Variants in NR2F6 observed in about 807,000 individuals in gnomAD.
NR2F6 encodes nuclear receptor subfamily 2 group F member 6.
In NR2F6, 16 loss-of-function variants were observed where a neutral mutation model predicts 26.5. That is an observed-to-expected ratio of 0.60 (90% CI 0.41 to 0.92). The LOEUF (loss-of-function observed/expected upper bound fraction) is 0.92. NR2F6 is among the 40% of genes least tolerant of loss of function. The probability of loss-of-function intolerance (pLI) is 0.00; values close to 1 mark genes in which losing one functional copy is unlikely to be tolerated. For missense variants in NR2F6, 536 were observed against 631.7 expected (o/e 0.85, Z 1.62); for synonymous variants, 325 against 305.0 (o/e 1.07, Z -0.68).
At chr19:17,244,744 A>G (rs1349679867) in intron 1 of NR2F6, among the ~76,000 whole-genome samples, 199 bp downstream of exon 1, 2 of 151,812 alleles carry the variant, frequency 1.3e-5, no homozygotes, top group African/African-American at 2.4e-5. Flanking sequence ...ATGGGGGGGG[A>G]ACCTGCAACG....
intron 1 of NR2F6, among the ~76,000 whole-genome samples, chr19:17,242,015 CA>C (rs1252341398): frequency 7.8e-6 from 1 of 127,928 alleles, no homozygotes. Context: ...GACTCTGTCT[CA>C]AAAAAAAAGA....
intron 2 of NR2F6, among the ~76,000 whole-genome samples, chr19:17,239,093 C>G (rs1024229663): frequency 3.3e-5 from 5 of 152,144 alleles, no homozygotes; most frequent in African/African-American, 7.2e-5. Context: ...AATCCCAACA[C>G]TTTGGGAGGC....
intron 2 of NR2F6, 36 bp from the exon 3 acceptor site, chr19:17,236,101 G>A: frequency 1.8e-6 from 1 of 560,330 alleles, no homozygotes; most frequent in Non-Finnish European, 2.4e-6. Context: ...CATGGGGGCG[G>A]GAGGGGAGGC....
chr19:17,237,920 G>A (rs758035113), intron 2 of NR2F6, among the ~76,000 whole-genome samples: 11 of 152,052 alleles, frequency 7.2e-5, no homozygotes, highest in Non-Finnish European at 1.3e-4. Flanking sequence ...CAGGAAGATC[G>A]CTTGAGCCCA....
Position 17,235,664 on chromosome 19 carries a change from G to A in NR2F6, c.775C>T (p.Leu259=), listed in dbSNP as rs1239993220. The change falls in exon 3 of 4, where the codon CTA becomes TTA. Residue 259 remains leucine (L), a synonymous_variant. Transcript: ENST00000291442. This position sits in a 1 kb window ranked among gnomAD's most constrained non-coding sequence, Gnocchi z 5.0. ...GCGTGGAGGCCGGCGGCGGCCAGTA[G>A]CGGCGCCGTGTGCAGGGGCAGCGCC... is the stretch of plus-strand genomic sequence containing the variant. ...QAALPLHTAP[L]LAAAGLHAAP... is the part of the protein sequence containing the mutation. The A allele has an allele frequency of 6.6e-7, 1 of 1,518,764 alleles. No homozygotes were observed. Among genetic ancestry groups the A allele is most frequent in the Admixed American group, 2.0e-5 (1 of 48,876 alleles). 94.1% of individuals were successfully genotyped at this position (1,518,764 alleles called of 1,614,324 possible).
chr19:17,245,373 C>A lies in NR2F6; in HGVS notation c.-153G>T. On this transcript the variant is annotated 5_prime_UTR_variant, in exon 1 of 4. Transcript: ENST00000291442. The surrounding 1 kb of genome is among the most constrained non-coding windows in gnomAD (Gnocchi z 5.0). ...AAAAAAGTTTTGCAGCAACTTCCTG[C>A]GGCCGGTCCTCGCGCCCGGGCGGAA... is the stretch of plus-strand genomic sequence containing the variant. 1 of 588,154 alleles carries A rather than the reference C, an allele frequency of 1.7e-6. No homozygotes were observed. The highest frequency in any genetic ancestry group is 2.4e-6 in the Non-Finnish European group (1 of 424,338). 36.4% of individuals were successfully genotyped at this position (588,154 alleles called of 1,614,324 possible).
chr19:17,245,189 G>A lies in NR2F6; in HGVS notation c.32C>T (p.Pro11Leu). ...GTCCACGCCGTTCGTGTCGCCGCCG[G>A]GGCCGCCCCAGCCGCCGGTCACCAT... MAMVTGGWGG[P>L]GGDTNGVDKA... The change falls in exon 1 of 4, where the codon CCC becomes CTC. Residue 11 changes from proline to leucine, a missense_variant. Physicochemically the swap from Pro to Leu is moderately conservative, Grantham distance 98. Coordinates refer to ENST00000291442, the MANE Select transcript of NR2F6 (RefSeq NM_005234.4). This position sits in a 1 kb window ranked among gnomAD's most constrained non-coding sequence, Gnocchi z 5.0. The A allele has an allele frequency of 7.2e-7, 1 of 1,384,464 alleles. No individual in the cohort carries two copies. Among genetic ancestry groups the A allele is most frequent in the Admixed American group, 3.1e-5 (1 of 31,976 alleles). 85.8% of individuals were successfully genotyped at this position (1,384,464 alleles called of 1,614,324 possible). A position where few individuals can be genotyped will look rare whatever the true frequency, so the allele number is the denominator to read the frequency against.
At chr19:17,234,997 G>T (rs541785136) in intron 3 of NR2F6, among the ~76,000 whole-genome samples, 1 of 152,258 alleles carries the variant, frequency 6.6e-6, no homozygotes, top group Non-Finnish European at 1.5e-5. Context: ...CCCCTCAACG[G>T]GAGGGGCCTC....
rs1243541521 is a variant in NR2F6, at chr19:17,235,343, C to G, written c.940+156G>C. Among the ~76,000 whole-genome samples, 1 of 152,234 alleles carries G rather than the reference C, an allele frequency of 6.6e-6. No individual in the cohort carries two copies. Among genetic ancestry groups the G allele is most frequent in the Non-Finnish European group, 1.5e-5 (1 of 68,024 alleles). ...TCACACTGCTTACATCACCCCTCTA[C>G]AGCCACCCAAGAGCGTTCACTCACG... On this transcript the variant is annotated intron_variant, in intron 3 of 3. Transcript: ENST00000291442. The surrounding 1 kb of genome is among the most constrained non-coding windows in gnomAD (Gnocchi z 5.0).
chr19:17,239,889 CA>C (rs2073460003), intron 2 of NR2F6, among the ~76,000 whole-genome samples: 1 of 152,062 alleles, frequency 6.6e-6, no homozygotes, highest in African/African-American at 2.4e-5. Flanking sequence ...TCAGGTTAGA[CA>C]TTAGAAAGAA....
rs1269719200 is a variant in NR2F6, at chr19:17,245,907, C to A, written c.-687G>T. Reference sequence around the variant, plus strand: ...ACCGACCCCGCGCGCCGGCCTCGCGCTGCGGCCGGTTTGACACACAGCGTT... The same window carrying A: ...ACCGACCCCGCGCGCCGGCCTCGCGATGCGGCCGGTTTGACACACAGCGTT... On this transcript the variant is annotated 5_prime_UTR_variant, in exon 1 of 4. Coordinates refer to ENST00000291442, the MANE Select transcript of NR2F6 (RefSeq NM_005234.4). This position sits in a 1 kb window ranked among gnomAD's most constrained non-coding sequence, Gnocchi z 5.0. The A allele has an allele frequency of 6.8e-6, 1 of 146,570 alleles. No individual in the cohort carries two copies. Among genetic ancestry groups the A allele is most frequent in the Admixed American group, 6.8e-5 (1 of 14,752 alleles). 9.1% of individuals were successfully genotyped at this position (146,570 alleles called of 1,614,324 possible). A position where few individuals can be genotyped will look rare whatever the true frequency, so the allele number is the denominator to read the frequency against.
Position 17,232,512 on chromosome 19 carries a change from C to A in NR2F6, c.1055G>T (p.Arg352Leu). The A allele has an allele frequency of 6.2e-7, 1 of 1,610,868 alleles. No individual in the cohort carries two copies. The highest frequency in any genetic ancestry group is 8.5e-7 in the Non-Finnish European group (1 of 1,178,658). ...CAGGGCGGGGAGCCGCAGCAGCAGG[C>A]GCCCGAAGCGCTGGGGCTGGGACGG... ...QYPSQPQRFG[R>L]LLLRLPALRA... Residue 352 changes from arginine to leucine, a missense_variant, in exon 4 of 4, where the codon CGC becomes CTC. Physicochemically the swap from Arg to Leu is moderately radical, Grantham distance 102 (BLOSUM62 -2). Transcript: ENST00000291442.
Position 17,232,311 on chromosome 19 carries a change from T to C in NR2F6, c.*41A>G. ...TCAGCATTCCCTGTCCCTTGAGGTC[T>C]GTCTGCAGGCCTGGCCACAGCACAC... On this transcript the variant is annotated 3_prime_UTR_variant, in exon 4 of 4. Transcript: ENST00000291442. The C allele has an allele frequency of 1.2e-6, 2 of 1,612,942 alleles. No homozygotes were observed. Among genetic ancestry groups the C allele is most frequent in the Non-Finnish European group, 1.7e-6 (2 of 1,179,652 alleles).
At position 17,235,981 on chromosome 19, in the gene NR2F6, G is replaced by A. The variant is rs1249626138; in HGVS notation, c.458C>T (p.Ala153Val). ...GAAGAGGTCTCCGCCGCTCGCCACT[G>A]CCGCCAGCGCCGAGCCCGGGGGGCT... ...SGSPPGSALAAVASGGDLFPG... is the reference protein window; with the variant it reads ...SGSPPGSALAVVASGGDLFPG... The change falls in exon 3 of 4, where the codon GCA (alanine) becomes GTA (valine). Residue 153 changes from alanine (A) to valine (V), a missense_variant. Physicochemically the swap from Ala to Val is moderately conservative, Grantham distance 64. Transcript: ENST00000291442. The surrounding 1 kb of genome is among the most constrained non-coding windows in gnomAD (Gnocchi z 5.0). 15 of 1,452,192 alleles carry A rather than the reference G, an allele frequency of 1.0e-5. No homozygotes were observed. Among genetic ancestry groups the A allele is most frequent in the African/African-American group, 1.5e-5 (1 of 67,116 alleles). 90.0% of individuals were successfully genotyped at this position (1,452,192 alleles called of 1,614,324 possible). A position where few individuals can be genotyped will look rare whatever the true frequency, so the allele number is the denominator to read the frequency against.
At chr19:17,236,597 T>C (rs1874839970) in intron 2 of NR2F6, among the ~76,000 whole-genome samples, 1 of 152,156 alleles carries the variant, frequency 6.6e-6, no homozygotes, top group South Asian at 2.1e-4. Flanking sequence ...CATGGAGGAC[T>C]TGGGGACCCT....
At chr19:17,239,949 C>A (rs1426987703) in intron 2 of NR2F6, among the ~76,000 whole-genome samples, 1 of 152,202 alleles carries the variant, frequency 6.6e-6, no homozygotes, top group African/African-American at 2.4e-5. Flanking sequence ...TGAAACCCAG[C>A]ACAGGAGATC....
chr19:17,241,195 A>G (rs1193520622), intron 1 of NR2F6, among the ~76,000 whole-genome samples: 1 of 152,224 alleles, frequency 6.6e-6, no homozygotes, highest in Non-Finnish European at 1.5e-5. Flanking sequence ...ATGTGAAGGC[A>G]AAGAGGACAT....
chr19:17,235,850 GCACCGCGCC>G lies in NR2F6; in HGVS notation c.580_588del (p.Gly194_Val196del), dbSNP rs1448986073. 6.8e-7 allele frequency: 1 copy of G among 1,472,350 alleles called. No individual in the cohort carries two copies. The highest frequency in any genetic ancestry group is 1.5e-5 in the African/African-American group (1 of 67,744). The allele number at this position is 1,472,350 out of a possible 1,614,324, so 91.2% of individuals were successfully genotyped here. A position where few individuals can be genotyped will look rare whatever the true frequency, so the allele number is the denominator to read the frequency against. On this transcript the variant is annotated inframe_deletion, in exon 3 of 4. Coordinates refer to ENST00000291442, the MANE Select transcript of NR2F6 (RefSeq NM_005234.4). The surrounding 1 kb of genome is among the most constrained non-coding windows in gnomAD (Gnocchi z 5.0). ...AGCTCGCACACGTTGTCGATGCCCA[GCACCGCGCC>G]CGCCGCGCCGCCCCCTGCGCCGAAG...
Position 17,233,441 on chromosome 19 carries a change from G to A in NR2F6, c.941-815C>T, listed in dbSNP as rs75106729. 7.5e-3 allele frequency among the ~76,000 whole-genome samples: 1,138 copies of A among 152,304 alleles called. 16 individuals are homozygous for A. The highest frequency in any genetic ancestry group is 0.025 in the African/African-American group (1,039 of 41,560). On this transcript the variant is annotated intron_variant, in intron 3 of 3. Coordinates refer to ENST00000291442, the MANE Select transcript of NR2F6 (RefSeq NM_005234.4). ...CTCATCTAACCAGTGACATAGGGGT[G>A]CAGGCAGTGATGTTTCAAGGGTGGC...
Sources: gnomAD v4.1 joint callset for allele counts (sites outside exome capture counted in the v4.1 genomes callset) on GRCh38, gnomAD v4.1.1 for gene constraint, Gnocchi (gnomAD v3.1) non-coding constraint, MANE v1.5 for transcripts, NCBI Gene and HGNC (gene_info 2026-07-23, HGNC 2026-07-21) for gene names.